The following LNX2 variants were observed in gnomAD, a reference collection of about 807,000 sequenced individuals.
LNX2 encodes the protein ligand of Numb protein X 2.
In LNX2, 35 loss-of-function variants were observed where a neutral mutation model predicts 66.2. The observed-to-expected ratio is 0.53, with a 90% CI of 0.40 to 0.70. The LOEUF (loss-of-function observed/expected upper bound fraction) is 0.70, where lower values mean the gene tolerates loss of function less well. LNX2 is among the 30% of genes least tolerant of loss of function. The probability of loss-of-function intolerance (pLI) is 0.00; values close to 1 mark genes in which losing one functional copy is unlikely to be tolerated. For synonymous variants in LNX2, 337 were observed against 315.6 expected (o/e 1.07, Z -0.72); for missense variants, 791 against 850.8 (o/e 0.93, Z 0.87).
chr13:27,567,931 G>A (rs1955226950), intron 3 of LNX2, 92 bp from the exon 4 acceptor site: 2 of 994,474 alleles, frequency 2.0e-6, no homozygotes, highest in Non-Finnish European at 3.2e-6. Flanking sequence ...AGGTAAGTAT[G>A]TCACATTAAT....
intron 2 of LNX2, among the ~76,000 whole-genome samples, chr13:27,574,917 T>TGAGGGAAG (rs1387987980): frequency 6.6e-6 from 1 of 152,144 alleles, no homozygotes; most frequent in Admixed American, 6.5e-5. Flanking sequence ...CTCAAAGTTC[T>TGAGGGAAG]GAGGGAAGGA....
chr13:27,583,203 T>TCCTCTCCAATATAA (rs1955424834), intron 1 of LNX2, among the ~76,000 whole-genome samples: 1 of 16,510 alleles, frequency 6.1e-5, no homozygotes, highest in Non-Finnish European at 1.3e-4. Flanking sequence ...TGTGTGTGTG[T>TCCTCTCCAATATAA]GTGTGTGTGT....
intron 1 of LNX2, among the ~76,000 whole-genome samples, chr13:27,593,896 TG>T (rs1955570979): frequency 6.6e-6 from 1 of 151,878 alleles, no homozygotes; most frequent in Non-Finnish European, 1.5e-5. Flanking sequence ...ACGCCCAGTC[TG>T]CTGGCTGAAA....
intron 1 of LNX2, among the ~76,000 whole-genome samples, chr13:27,602,005 A>G (rs972653745): frequency 6.6e-6 from 1 of 152,188 alleles, no homozygotes; most frequent in Non-Finnish European, 1.5e-5. Flanking sequence ...TATCAACTTC[A>G]TGATCTTCAA....
intron 7 of LNX2, 48 bp from the exon 8 acceptor site, chr13:27,553,487 C>T (rs956432624): frequency 7.0e-7 from 1 of 1,423,118 alleles, no homozygotes; most frequent in Non-Finnish European, 9.9e-7. Context: ...ACTGAGTTTT[C>T]ACCTGCAAAT....
intron 1 of LNX2, among the ~76,000 whole-genome samples, chr13:27,605,262 G>A (rs2138463251): frequency 6.6e-6 from 1 of 152,292 alleles, no homozygotes; most frequent in Middle Eastern, 3.4e-3. Context: ...TGACAGACAG[G>A]TGGACAGAGA....
chr13:27,593,198 A>C (rs1232357629), intron 1 of LNX2, among the ~76,000 whole-genome samples: 1 of 152,048 alleles, frequency 6.6e-6, no homozygotes, highest in Non-Finnish European at 1.5e-5. Context: ...TTTCTCCTCC[A>C]CCTGGGTTCA....
At chr13:27,603,955 TTAAAA>T (rs1436187486) in intron 1 of LNX2, among the ~76,000 whole-genome samples, 1 of 141,352 alleles carries the variant, frequency 7.1e-6, no homozygotes, top group Non-Finnish European at 1.5e-5. Context: ...TTTCCTTCCC[TTAAAA>T]AAAAAAAAAA....
chr13:27,603,487 T>C (rs113712456), intron 1 of LNX2, among the ~76,000 whole-genome samples: 11 of 152,308 alleles, frequency 7.2e-5, no homozygotes, highest in Non-Finnish European at 8.8e-5. Flanking sequence ...GGATATATTA[T>C]GATATTTTTC....
chr13:27,567,692 T>C lies in LNX2; in HGVS notation c.803A>G (p.Asp268Gly), dbSNP rs770273316. ...TCTCCCGTCTCTGGCAATGACCCCA[T>C]CCCGATAGACCTCCTGGATGACAAT... is the stretch of plus-strand genomic sequence containing the variant. Reference protein sequence around the residue: ...INIVIQEVYRDGVIARDGRLL... With the variant: ...INIVIQEVYRGGVIARDGRLL... The change falls in exon 4 of 10, where the codon GAT becomes GGT. Residue 268 changes from aspartate to glycine, a missense_variant. Physicochemically the swap from Asp to Gly is moderately conservative, Grantham distance 94. Transcript: ENST00000316334. 1.2e-5 allele frequency: 19 copies of C among 1,613,890 alleles called. No individual in the cohort carries two copies. The highest frequency in any genetic ancestry group is 1.6e-5 in the Non-Finnish European group (19 of 1,179,960).
rs1260751372 is a variant in LNX2, at chr13:27,546,631, C to T, written c.*1704G>A. 2 of 152,068 alleles carry T rather than the reference C, an allele frequency of 1.3e-5. No individual in the cohort carries two copies. The highest frequency in any genetic ancestry group is 2.4e-5 in the African/African-American group (1 of 41,408). The allele number at this position is 152,068 out of a possible 1,614,324, so 9.4% of individuals were successfully genotyped here. On this transcript the variant is annotated 3_prime_UTR_variant, in exon 10 of 10. Transcript: ENST00000316334. ...TGACATGCTACAGATACAATAAACCCCAGCAATACAATTGCTAAGTTTCAA... is the reference window on the plus strand; with the variant it reads ...TGACATGCTACAGATACAATAAACCTCAGCAATACAATTGCTAAGTTTCAA...
intron 1 of LNX2, among the ~76,000 whole-genome samples, chr13:27,599,724 T>C (rs1282358919): frequency 1.3e-5 from 2 of 152,214 alleles, no homozygotes; most frequent in African/African-American, 4.8e-5. Flanking sequence ...CTGCAGATTA[T>C]GTTAATGGAA....
intron 2 of LNX2, among the ~76,000 whole-genome samples, chr13:27,575,192 G>A (rs1239777600): frequency 6.6e-6 from 1 of 152,080 alleles, no homozygotes; most frequent in African/African-American, 2.4e-5. Context: ...TGATTTAAAA[G>A]AAAAACATAT....
At chr13:27,612,130 T>C (rs1304588738) in intron 1 of LNX2, among the ~76,000 whole-genome samples, 3 of 152,172 alleles carry the variant, frequency 2.0e-5, no homozygotes, top group Non-Finnish European at 4.4e-5. Context: ...ATTTCCTCCA[T>C]GAAATAACCA....
intron 1 of LNX2, among the ~76,000 whole-genome samples, chr13:27,615,040 A>G (rs1418716617): frequency 6.6e-6 from 1 of 152,044 alleles, no homozygotes; most frequent in Non-Finnish European, 1.5e-5. Flanking sequence ...AGCAGTGGAC[A>G]CCAGCTGAGT....
intron 1 of LNX2, among the ~76,000 whole-genome samples, chr13:27,619,998 G>A (rs536446913): frequency 6.6e-6 from 1 of 152,160 alleles, no homozygotes; most frequent in African/African-American, 2.4e-5. Flanking sequence ...CACACACACA[G>A]AGGAAATTTA....
intron 2 of LNX2, among the ~76,000 whole-genome samples, chr13:27,570,623 T>C (rs1486387967): frequency 6.6e-6 from 1 of 152,168 alleles, no homozygotes; most frequent in East Asian, 1.9e-4. Flanking sequence ...AATTAGATCA[T>C]GAAAAAAATT....
At chr13:27,588,053 A>T (rs921239028) in intron 1 of LNX2, among the ~76,000 whole-genome samples, 2 of 148,134 alleles carry the variant, frequency 1.4e-5, no homozygotes, top group Non-Finnish European at 3.0e-5. Context: ...AAAAAAAAGC[A>T]GTGCTGTCAA....
chr13:27,563,028 G>A (rs966993368), intron 4 of LNX2, among the ~76,000 whole-genome samples: 2 of 152,052 alleles, frequency 1.3e-5, no homozygotes, highest in Admixed American at 6.5e-5. Context: ...CTTTAATGAC[G>A]GTCTTGAATT....
Sources: allele counts gnomAD v4.1 joint callset (sites outside exome capture counted in the v4.1 genomes callset), GRCh38; gene constraint gnomAD v4.1.1; transcripts MANE v1.5; gene names NCBI Gene and HGNC (gene_info 2026-07-23, HGNC 2026-07-21).